The following STARD13 variants were observed in gnomAD, a reference collection of about 807,000 sequenced individuals.
STARD13 encodes stAR-related lipid transfer protein 13.
A neutral mutation model predicts 106.4 loss-of-function variants in STARD13; 62 were observed. The observed-to-expected ratio is 0.58, with a 90% CI of 0.48 to 0.72. The LOEUF (loss-of-function observed/expected upper bound fraction) is 0.72, where lower values mean the gene tolerates loss of function less well. Among genes scored for constraint, STARD13 ranks in the 30% least tolerant of loss-of-function variants. STARD13 has a pLI of 0.00. For missense variants in STARD13, 1,387 were observed against 1,424.0 expected, an observed-to-expected ratio of 0.97 and a Z score of 0.42; for synonymous variants, 565 against 553.0, an observed-to-expected ratio of 1.02 and a Z score of -0.31.
the STARD13 span, among the ~76,000 whole-genome samples, chr13:33,531,598 T>C: frequency 6.6e-6 from 1 of 152,196 alleles, no homozygotes; most frequent in East Asian, 1.9e-4. Flanking sequence ...AGGAATTATT[T>C]CAAGAACACA....
chr13:33,466,190 A>G, the STARD13 span, among the ~76,000 whole-genome samples: 1 of 152,244 alleles, frequency 6.6e-6, no homozygotes, highest in Non-Finnish European at 1.5e-5. Flanking sequence ...TATGATTTAC[A>G]AGAGATACAT....
chr13:33,597,548 A>G, the STARD13 span, among the ~76,000 whole-genome samples: 65 of 152,236 alleles, frequency 4.3e-4, no homozygotes, highest in South Asian at 1.2e-3. Flanking sequence ...GGTGAAATAT[A>G]GATAAATAAA....
chr13:33,658,362 C>T, the STARD13 span: 2 of 152,234 alleles, frequency 1.3e-5, no homozygotes, highest in East Asian at 3.8e-4. Context: ...CATAATGCTG[C>T]CATGAACATG....
chr13:33,582,458 T>C, the STARD13 span, among the ~76,000 whole-genome samples: 228 of 152,224 alleles, frequency 1.5e-3, no homozygotes, highest in African/African-American at 5.2e-3. Flanking sequence ...CTCCAAGTTT[T>C]GGGATGTACT....
chr13:33,344,960 T>C (rs1210303199), downstream of STARD13, among the ~76,000 whole-genome samples: 3 of 152,230 alleles, frequency 2.0e-5, no homozygotes, highest in African/African-American at 7.2e-5. Context: ...TCAAGCTGCT[T>C]ACAAACACCA....
the STARD13 span, among the ~76,000 whole-genome samples, chr13:33,673,800 G>T: frequency 4.6e-4 from 70 of 151,880 alleles, no homozygotes; most frequent in Middle Eastern, 6.8e-3. Flanking sequence ...GCCTCCCAAA[G>T]TCCTGGAATT....
chr13:33,277,349 A>G (rs534185496), intron 1 of STARD13: 2 of 152,324 alleles, frequency 1.3e-5, no homozygotes, highest in Admixed American at 6.5e-5. Context: ...CTGGAAATTG[A>G]TAAGTTGTCT....
the STARD13 span, among the ~76,000 whole-genome samples, chr13:33,609,819 C>T: frequency 1.3e-5 from 2 of 152,158 alleles, no homozygotes; most frequent in African/African-American, 2.4e-5. Context: ...CTGCCCGCCT[C>T]GGCCTCCCAA....
intron 1 of STARD13, among the ~76,000 whole-genome samples, chr13:33,235,084 G>A (rs1889121635): frequency 6.6e-6 from 1 of 152,198 alleles, no homozygotes; most frequent in African/African-American, 2.4e-5. Context: ...ACTAGCATCA[G>A]GAATGCTTGA....
At chr13:33,423,368 G>T in the STARD13 span, among the ~76,000 whole-genome samples, 1 of 152,174 alleles carries the variant, frequency 6.6e-6, no homozygotes, top group Non-Finnish European at 1.5e-5. Flanking sequence ...GGTCATCAGA[G>T]AAATGCAAAT....
At chr13:33,524,356 T>C in the STARD13 span, 2 of 999,732 alleles carry the variant, frequency 2.0e-6, no homozygotes, top group Admixed American at 7.0e-5. Context: ...AGGATTACTC[T>C]CCAGGTTTAT....
chr13:33,118,356 T>C, intron 7 of STARD13, 93 bp from the exon 8 acceptor site: 1 of 1,042,382 alleles, frequency 9.6e-7, no homozygotes, highest in East Asian at 2.4e-5. Context: ...GAGCTGGAAT[T>C]GCCTCCCAAT....
chr13:33,221,595 T>C (rs570362683), intron 1 of STARD13, among the ~76,000 whole-genome samples: 2 of 152,294 alleles, frequency 1.3e-5, no homozygotes, highest in Admixed American at 6.5e-5. Flanking sequence ...CAGCTCCTCC[T>C]TGGGTCTCCA....
intron 3 of STARD13, among the ~76,000 whole-genome samples, chr13:33,161,515 G>C (rs757794985): frequency 1.3e-5 from 2 of 152,042 alleles, no homozygotes; most frequent in Admixed American, 1.3e-4. Flanking sequence ...GTGTCTCACT[G>C]TGTTGCCCAG....
the STARD13 span, among the ~76,000 whole-genome samples, chr13:33,613,350 G>C: frequency 1.3e-5 from 2 of 152,188 alleles, no homozygotes; most frequent in African/African-American, 4.8e-5. Context: ...CTTTCCCCAG[G>C]CTGAAGCTAT....
chr13:33,111,759 G>A lies in STARD13; in HGVS notation c.2607+19C>T. On this transcript the variant is annotated intron_variant, in intron 10 of 13. Coordinates refer to ENST00000336934, the MANE Select transcript of STARD13 (RefSeq NM_178006.4). ...TCCAAGAGCTACTAGGGAGGCGGAG[G>A]TTCGAGCCTTTTGCTCACCTCAAAA... 1 of 1,534,340 alleles carries A rather than the reference G, an allele frequency of 6.5e-7. No homozygotes were observed. Among genetic ancestry groups the A allele is most frequent in the Non-Finnish European group, 9.0e-7 (1 of 1,107,264 alleles).
chr13:33,548,788 T>C, the STARD13 span, among the ~76,000 whole-genome samples: 1 of 152,168 alleles, frequency 6.6e-6, no homozygotes, highest in East Asian at 1.9e-4. Flanking sequence ...GAATATAGTA[T>C]GCCTAAAGAA....
At chr13:33,664,361 A>G in the STARD13 span, among the ~76,000 whole-genome samples, 2 of 152,210 alleles carry the variant, frequency 1.3e-5, no homozygotes, top group East Asian at 3.8e-4. Flanking sequence ...GCTTGACAGA[A>G]TACATCGGCA....
intron 1 of STARD13, among the ~76,000 whole-genome samples, chr13:33,256,622 T>G (rs1283379381): frequency 2.0e-5 from 3 of 152,224 alleles, no homozygotes; most frequent in Non-Finnish European, 4.4e-5. Flanking sequence ...TTTGAACTGC[T>G]TTTAAATTCT....
Sources: allele counts gnomAD v4.1 joint callset (sites outside exome capture counted in the v4.1 genomes callset), GRCh38; gene constraint gnomAD v4.1.1; transcripts MANE v1.5; gene names NCBI Gene and HGNC (gene_info 2026-07-23, HGNC 2026-07-21).